CACNA2D3: variants seen among roughly 807,000 people sequenced by gnomAD.
CACNA2D3 encodes the protein calcium voltage-gated channel auxiliary subunit alpha2delta 3, also known as voltage-dependent calcium channel subunit alpha-2/delta-3.
A neutral mutation model predicts 160.6 loss-of-function variants in CACNA2D3; 60 were observed. The observed-to-expected ratio is 0.37, with a 90% CI of 0.30 to 0.46. The LOEUF (loss-of-function observed/expected upper bound fraction) is 0.46. Ranked by LOEUF, CACNA2D3 falls within the 20% of genes least tolerant of loss-of-function variation. The pLI is 1.00. For synonymous variants in CACNA2D3, 558 were observed against 492.9 expected (o/e 1.13, Z -1.75); for missense variants, 1,205 against 1,365.0 (o/e 0.88, Z 1.85).
chr3:54,265,240 G>C (rs531548920), intron 2 of CACNA2D3, among the ~76,000 whole-genome samples: 1 of 152,132 alleles, frequency 6.6e-6, no homozygotes, highest in Admixed American at 6.6e-5. Flanking sequence ...ATCCTCTCCA[G>C]CATCTGTTGT....
intron 2 of CACNA2D3, among the ~76,000 whole-genome samples, chr3:54,230,679 A>T (rs1248923708): frequency 6.6e-6 from 1 of 152,244 alleles, no homozygotes; most frequent in African/African-American, 2.4e-5. Context: ...GTGAGAGATT[A>T]TTCAGGCCAC....
chr3:54,748,856 G>T (rs1701806705), intron 11 of CACNA2D3, among the ~76,000 whole-genome samples: 1 of 152,146 alleles, frequency 6.6e-6, no homozygotes, highest in Non-Finnish European at 1.5e-5. Context: ...CCAGTTGTTG[G>T]AAATAAAATC....
intron 35 of CACNA2D3, among the ~76,000 whole-genome samples, chr3:55,021,635 A>ATGTGTG (rs1257109239): frequency 7.5e-6 from 1 of 132,978 alleles, no homozygotes; most frequent in African/African-American, 2.7e-5. Context: ...GTATATATAT[A>ATGTGTG]TATATATATG....
At chr3:54,821,066 C>T (rs1221599097) in intron 14 of CACNA2D3, among the ~76,000 whole-genome samples, 1 of 152,182 alleles carries the variant, frequency 6.6e-6, no homozygotes, top group African/African-American at 2.4e-5. Flanking sequence ...TGTCCAGACT[C>T]TGGTACCCTT....
intron 3 of CACNA2D3, among the ~76,000 whole-genome samples, chr3:54,372,421 C>T (rs1024824905): frequency 6.6e-6 from 1 of 152,092 alleles, no homozygotes; most frequent in Non-Finnish European, 1.5e-5. Context: ...AGAGTCCCTG[C>T]TGCAGGATGT....
At chr3:54,606,102 T>C (rs904940438) in intron 9 of CACNA2D3, among the ~76,000 whole-genome samples, 1 of 152,076 alleles carries the variant, frequency 6.6e-6, no homozygotes, top group Admixed American at 6.6e-5. Flanking sequence ...TCAAATTGCA[T>C]TAGAACCAGG....
Position 55,018,217 on chromosome 3 carries a change from A to G in CACNA2D3, c.2887A>G (p.Lys963Glu), listed in dbSNP as rs746334828. Reference protein sequence around the residue: ...SDMTAKAQKLKQTLEPCDTEY... With the variant: ...SDMTAKAQKLEQTLEPCDTEY... ...CACTATCCCTACAGCCCAGAAATTG[A>G]AACAGACCCTGGAGCCTTGTGATAC... Residue 963 changes from lysine to glutamate, a missense_variant, in exon 35 of 38, where the codon AAA becomes GAA. Lys to Glu is a moderately conservative substitution (Grantham distance 56, BLOSUM62 1). Around this residue, in one of 3 missense-constraint regions of CACNA2D3, gnomAD observed 911 missense variants for 1,002.2 expected, o/e 0.91. Coordinates refer to ENST00000474759, the MANE Select transcript of CACNA2D3 (RefSeq NM_018398.3). The G allele has an allele frequency of 1.9e-6, 3 of 1,611,472 alleles. No individual in the cohort carries two copies. The African/African-American group carries it at 4.0e-5, about 22-fold the overall frequency.
Position 54,764,248 on chromosome 3 carries a change from A to T in CACNA2D3, c.1277A>T (p.Asp426Val). 6.2e-7 allele frequency: 1 copy of T among 1,613,756 alleles called. No individual in the cohort carries two copies. Among genetic ancestry groups the T allele is most frequent in the Non-Finnish European group, 8.5e-7 (1 of 1,179,808 alleles). Reference protein sequence around the residue: ...GFFTQISTLADVQENVMEYLH... With the variant: ...GFFTQISTLAVVQENVMEYLH... ...TTTACCCAGATCTCCACCTTGGCTG[A>T]TGTGCAGGAGAATGTCATGGAATAC... Residue 426 changes from aspartate (D) to valine (V), a missense_variant, in exon 13 of 38, where the codon GAT becomes GTT. By Grantham distance (152) the Asp-to-Val change is radical (BLOSUM62 -3). Around this residue, in one of 3 missense-constraint regions of CACNA2D3, gnomAD observed 911 missense variants for 1,002.2 expected, o/e 0.91. Coordinates refer to ENST00000474759, the MANE Select transcript of CACNA2D3 (RefSeq NM_018398.3).
At chr3:54,820,912 T>C (rs1703576418) in intron 14 of CACNA2D3, among the ~76,000 whole-genome samples, 1 of 152,242 alleles carries the variant, frequency 6.6e-6, no homozygotes, top group Non-Finnish European at 1.5e-5. Context: ...ACGTAGATTC[T>C]GTCTATAGGA....
intron 3 of CACNA2D3, among the ~76,000 whole-genome samples, chr3:54,385,069 A>C (rs1343364408): frequency 6.6e-6 from 1 of 152,160 alleles, no homozygotes; most frequent in African/African-American, 2.4e-5. Flanking sequence ...GAAACCTTGG[A>C]GGTTTAATCA....
chr3:54,932,020 A>G (rs912902665), intron 27 of CACNA2D3, among the ~76,000 whole-genome samples: 2 of 152,030 alleles, frequency 1.3e-5, no homozygotes, highest in South Asian at 2.1e-4. Flanking sequence ...ATCTCTACCA[A>G]AAATACAAAA....
intron 11 of CACNA2D3, among the ~76,000 whole-genome samples, chr3:54,711,406 C>G (rs56038410): frequency 0.082 from 12,484 of 152,298 alleles, 727 homozygotes; most frequent in African/African-American, 0.17. Context: ...TAGCGATACT[C>G]TCTGCCATTC....
intron 27 of CACNA2D3, among the ~76,000 whole-genome samples, chr3:54,901,514 G>A (rs1408469228): frequency 6.6e-6 from 1 of 152,190 alleles, no homozygotes; most frequent in Non-Finnish European, 1.5e-5. Context: ...TGCTATGCCA[G>A]TCTATTGTCG....
At position 54,846,405 on chromosome 3, in the gene CACNA2D3, G is replaced by A. The variant is rs1257074918; in HGVS notation, c.1564G>A (p.Gly522Ser). 6 of 1,605,134 alleles carry A rather than the reference G, an allele frequency of 3.7e-6. No individual in the cohort carries two copies. The highest frequency in any genetic ancestry group is 1.1e-5 in the South Asian group (1 of 89,012). Reference sequence around the variant, plus strand: ...CTTCCTCTTACAGTTAGGGATTCACGGTTATGCCTTTGCAATCACAAATAA... The same window carrying A: ...CTTCCTCTTACAGTTAGGGATTCACAGTTATGCCTTTGCAATCACAAATAA... ...TIPKYKLGIH[G>S]YAFAITNNGY... is the part of the protein sequence containing the mutation. The change falls in exon 17 of 38, where the codon GGT becomes AGT. Residue 522 changes from glycine (G) to serine (S), a missense_variant. Transcript: ENST00000474759.
chr3:54,457,088 T>G (rs1410210242), intron 4 of CACNA2D3, among the ~76,000 whole-genome samples: 1 of 152,000 alleles, frequency 6.6e-6, no homozygotes, highest in East Asian at 1.9e-4. Context: ...CAATTTTATT[T>G]CTTTCTTTCC....
intron 27 of CACNA2D3, among the ~76,000 whole-genome samples, chr3:54,922,987 CA>C (rs1319714235): frequency 6.6e-6 from 1 of 152,168 alleles, no homozygotes; most frequent in Non-Finnish European, 1.5e-5. Flanking sequence ...AAGTATCTCC[CA>C]GCATTGATCA....
intron 4 of CACNA2D3, among the ~76,000 whole-genome samples, chr3:54,411,164 A>G (rs554360488): frequency 7.2e-5 from 11 of 152,338 alleles, no homozygotes; most frequent in African/African-American, 2.6e-4. Flanking sequence ...TGGCTTCTTG[A>G]GGTGGAAACT....
Position 54,764,292 on chromosome 3 carries a change from C to A in CACNA2D3, c.1321C>A (p.Pro441Thr). 6.2e-7 allele frequency: 1 copy of A among 1,613,854 alleles called. No individual in the cohort carries two copies. The highest frequency in any genetic ancestry group is 8.5e-7 in the Non-Finnish European group (1 of 1,179,852). Reference sequence around the variant, plus strand: ...GGAATACCTTCACGTGCTTAGCCGGCCCAAAGTCATCGACCAGGAGCATGA... The same window carrying A: ...GGAATACCTTCACGTGCTTAGCCGGACCAAAGTCATCGACCAGGAGCATGA... ...VMEYLHVLSRPKVIDQEHDVV... is the reference protein window; with the variant it reads ...VMEYLHVLSRTKVIDQEHDVV... The change falls in exon 13 of 38, where the codon CCC becomes ACC. Residue 441 changes from proline (P) to threonine (T), a missense_variant. Transcript: ENST00000474759.
intron 4 of CACNA2D3, among the ~76,000 whole-genome samples, chr3:54,411,685 T>G (rs1699670497): frequency 6.6e-6 from 1 of 152,238 alleles, no homozygotes; most frequent in Admixed American, 6.5e-5. Context: ...TATTGTAATA[T>G]TTGCTTTATC....
Sources: allele counts gnomAD v4.1 joint callset (sites outside exome capture counted in the v4.1 genomes callset), GRCh38; gene constraint gnomAD v4.1.1; regional missense constraint gnomAD v4.1.1; transcripts MANE v1.5; gene names NCBI Gene and HGNC (gene_info 2026-07-23, HGNC 2026-07-21).